The following GRIK2 variants were observed in gnomAD, a reference collection of about 807,000 sequenced individuals.
GRIK2 encodes glutamate receptor ionotropic, kainate 2.
GRIK2 carries 32 observed loss-of-function variants against 100.3 expected under a neutral mutation model. The observed-to-expected ratio is 0.32, with a 90% CI of 0.24 to 0.43. The LOEUF (loss-of-function observed/expected upper bound fraction) is 0.43. Ranked by LOEUF, GRIK2 falls within the 20% of genes least tolerant of loss-of-function variation. The probability of loss-of-function intolerance (pLI) is 1.00; values close to 1 mark genes in which losing one functional copy is unlikely to be tolerated. For missense variants in GRIK2, 843 were observed against 1,114.9 expected (o/e 0.76, Z 3.47); for synonymous variants, 417 against 389.4 (o/e 1.07, Z -0.83).
At chr6:101,914,675 T>G (rs1178245930) in intron 12 of GRIK2, among the ~76,000 whole-genome samples, 2 of 151,514 alleles carry the variant, frequency 1.3e-5, no homozygotes, top group East Asian at 3.9e-4. Context: ...TTTGGCATAG[T>G]GCTAACTAGC....
intron 2 of GRIK2, among the ~76,000 whole-genome samples, chr6:101,536,748 GA>G (rs1330285837): frequency 6.6e-6 from 1 of 151,464 alleles, no homozygotes; most frequent in Non-Finnish European, 1.5e-5. Context: ...TCAGATTATT[GA>G]TATGGTTATC....
rs538558704 is a variant in GRIK2, at chr6:101,701,352, G to C, written c.951+14999G>C. 7.9e-5 allele frequency among the ~76,000 whole-genome samples: 12 copies of C among 152,128 alleles called. No individual in the cohort carries two copies. In the South Asian group the frequency reaches 2.3e-3, roughly 29 times the overall value. On this transcript the variant is annotated intron_variant, in intron 7 of 16. Coordinates refer to ENST00000369134, the MANE Select transcript of GRIK2 (RefSeq NM_021956.5). Reference sequence around the variant, plus strand: ...TCATGCCGGAACAGCCTGTGCCTTCGTAGTACCTGTGTCAGGGGTCTTACG... The same window carrying C: ...TCATGCCGGAACAGCCTGTGCCTTCCTAGTACCTGTGTCAGGGGTCTTACG...
At chr6:102,025,412 A>C (rs529651748) in intron 14 of GRIK2, among the ~76,000 whole-genome samples, 30 of 151,396 alleles carry the variant, frequency 2.0e-4, no homozygotes, top group African/African-American at 6.0e-4. Flanking sequence ...ATACAAATAA[A>C]ATAGACGGAG....
At chr6:101,805,878 G>T (rs1462703174) in intron 9 of GRIK2, among the ~76,000 whole-genome samples, 2 of 152,060 alleles carry the variant, frequency 1.3e-5, no homozygotes, top group African/African-American at 2.4e-5. Flanking sequence ...AAACCAGGAA[G>T]AAACCAGTAT....
At chr6:101,455,110 T>G (rs548995790) in intron 2 of GRIK2, among the ~76,000 whole-genome samples, 69 of 152,184 alleles carry the variant, frequency 4.5e-4, no homozygotes, top group Admixed American at 1.2e-3. Context: ...GGAGTCTGTA[T>G]GTATAAGGGT....
intron 7 of GRIK2, among the ~76,000 whole-genome samples, chr6:101,780,202 A>G (rs1779003335): frequency 6.6e-6 from 1 of 152,124 alleles, no homozygotes; most frequent in South Asian, 2.1e-4. Flanking sequence ...TGTATTCTCC[A>G]TGGTCCGTGG....
chr6:101,895,069 A>G (rs917945044), intron 12 of GRIK2, among the ~76,000 whole-genome samples: 4 of 151,820 alleles, frequency 2.6e-5, no homozygotes, highest in Admixed American at 6.6e-5. Context: ...TATGAGTACT[A>G]TTACATAAAA....
chr6:101,580,874 A>G (rs995292832), intron 2 of GRIK2, among the ~76,000 whole-genome samples: 9 of 152,022 alleles, frequency 5.9e-5, no homozygotes, highest in African/African-American at 1.4e-4. Context: ...CTATTCTCCA[A>G]TGCTACCTTC....
At chr6:101,516,284 A>C (rs902903651) in intron 2 of GRIK2, among the ~76,000 whole-genome samples, 1 of 152,146 alleles carries the variant, frequency 6.6e-6, no homozygotes, top group African/African-American at 2.4e-5. Flanking sequence ...AGCCAAAGCA[A>C]GACTAAGCAA....
intron 2 of GRIK2, among the ~76,000 whole-genome samples, chr6:101,585,500 T>C (rs1778317137): frequency 6.6e-6 from 1 of 152,068 alleles, no homozygotes. Context: ...AAGCAATTCA[T>C]ATCCTCAAGA....
At chr6:101,612,950 T>G (rs1779747646) in intron 2 of GRIK2, among the ~76,000 whole-genome samples, 1 of 151,672 alleles carries the variant, frequency 6.6e-6, no homozygotes, top group African/African-American at 2.4e-5. Context: ...ACTTTGTAAA[T>G]AGCATTAAGC....
intron 2 of GRIK2, among the ~76,000 whole-genome samples, chr6:101,615,166 C>A (rs965738724): frequency 5.9e-5 from 9 of 151,488 alleles, no homozygotes; most frequent in African/African-American, 4.8e-5. Flanking sequence ...TTTTAACAAG[C>A]CTTTTGTAGT....
At chr6:101,859,529 T>C (rs992153582) in intron 11 of GRIK2, 36 bp downstream of exon 11, 3 of 1,198,352 alleles carry the variant, frequency 2.5e-6, no homozygotes, top group East Asian at 2.3e-5. Flanking sequence ...TAGTTTGTTA[T>C]GTTGCTACAA....
chr6:101,415,163 T>G (rs1651555024), intron 2 of GRIK2, among the ~76,000 whole-genome samples: 1 of 152,094 alleles, frequency 6.6e-6, no homozygotes, highest in South Asian at 2.1e-4. Flanking sequence ...TTAAAACAAA[T>G]ATTTTGGTTG....
At chr6:101,474,590 T>C (rs913519894) in intron 2 of GRIK2, among the ~76,000 whole-genome samples, 1 of 151,886 alleles carries the variant, frequency 6.6e-6, no homozygotes, top group South Asian at 2.1e-4. Flanking sequence ...AAAGGCACTA[T>C]TCCTGTAAAA....
At chr6:101,481,135 G>C (rs1772506488) in intron 2 of GRIK2, among the ~76,000 whole-genome samples, 1 of 152,108 alleles carries the variant, frequency 6.6e-6, no homozygotes, top group African/African-American at 2.4e-5. Context: ...ATTTCCTTTA[G>C]TGTAACTGAG....
intron 10 of GRIK2, among the ~76,000 whole-genome samples, chr6:101,847,733 T>A (rs1191141474): frequency 1.3e-5 from 2 of 152,090 alleles, no homozygotes; most frequent in Non-Finnish European, 2.9e-5. Flanking sequence ...GCTTAGGGTC[T>A]TGTCAGGTCC....
At chr6:101,570,331 C>T (rs1310245529) in intron 2 of GRIK2, among the ~76,000 whole-genome samples, 1 of 151,940 alleles carries the variant, frequency 6.6e-6, no homozygotes, top group Non-Finnish European at 1.5e-5. Context: ...AATAAATGCT[C>T]AAGAAATGGT....
chr6:101,776,533 C>T (rs1778759048), intron 7 of GRIK2, among the ~76,000 whole-genome samples: 1 of 152,092 alleles, frequency 6.6e-6, no homozygotes, highest in Non-Finnish European at 1.5e-5. Flanking sequence ...CTGATTCAAT[C>T]CCCTCCTTTT....
Sources: allele counts gnomAD v4.1 joint callset (sites outside exome capture counted in the v4.1 genomes callset), GRCh38; gene constraint gnomAD v4.1.1; transcripts MANE v1.5; gene names NCBI Gene and HGNC (gene_info 2026-07-23, HGNC 2026-07-21).